Variants in CAST observed in about 807,000 individuals in gnomAD.
The protein encoded by CAST is MIR583 host.
Under a neutral mutation model 119.6 loss-of-function variants are expected in CAST, and 76 were observed. That is an observed-to-expected ratio of 0.64 (90% confidence interval 0.53 to 0.77). CAST has a LOEUF of 0.77. Ranked by LOEUF, CAST falls within the 30% of genes least tolerant of loss-of-function variation. The pLI is 0.00. For missense variants in CAST, 953 were observed against 946.5 expected, an observed-to-expected ratio of 1.01 and a Z score of -0.09; for synonymous variants, 319 against 331.6, an observed-to-expected ratio of 0.96 and a Z score of 0.41.
chr5:96,751,715 C>T (rs1373526406), intron 20 of CAST, among the ~76,000 whole-genome samples: 2 of 152,170 alleles, frequency 1.3e-5, no homozygotes, highest in Non-Finnish European at 2.9e-5. Flanking sequence ...CAATAGCCAG[C>T]ATTCCCCAGT....
the CAST span, among the ~76,000 whole-genome samples, chr5:96,034,001 T>A: frequency 1.3e-5 from 2 of 152,136 alleles, no homozygotes; most frequent in African/African-American, 4.8e-5. Context: ...CTGGATACAG[T>A]GGCATGTGCC....
At chr5:96,153,884 G>A in the CAST span, among the ~76,000 whole-genome samples, 1 of 152,146 alleles carries the variant, frequency 6.6e-6, no homozygotes, top group Non-Finnish European at 1.5e-5. Context: ...AAATCCAAAT[G>A]TTTCGAAATA....
At chr5:95,983,721 G>C in the CAST span, among the ~76,000 whole-genome samples, 1 of 152,106 alleles carries the variant, frequency 6.6e-6, no homozygotes, top group African/African-American at 2.4e-5. Flanking sequence ...ATATATGCTT[G>C]GAGGTTTTAG....
the CAST span, among the ~76,000 whole-genome samples, chr5:96,379,192 G>A: frequency 2.6e-5 from 4 of 152,170 alleles, no homozygotes; most frequent in South Asian, 4.1e-4. Flanking sequence ...GTTTCACCAC[G>A]TTCATTGATT....
the CAST span, among the ~76,000 whole-genome samples, chr5:96,087,826 C>A: frequency 1.3e-5 from 2 of 152,174 alleles, no homozygotes; most frequent in Non-Finnish European, 2.9e-5. Context: ...TACCCAGCAA[C>A]CTCCAACTGT....
chr5:96,421,775 A>T, the CAST span: 9 of 788,500 alleles, frequency 1.1e-5, no homozygotes, highest in Middle Eastern at 3.3e-4. Flanking sequence ...GTGCATTAAC[A>T]TTTCCTGAGC....
chr5:96,577,011 G>A (rs1330619785), intron 1 of CAST, among the ~76,000 whole-genome samples: 2 of 152,232 alleles, frequency 1.3e-5, no homozygotes, highest in South Asian at 4.1e-4. Flanking sequence ...AGGCCCCAGT[G>A]TGTGTCGTTC....
At chr5:96,092,308 T>TA in the CAST span, among the ~76,000 whole-genome samples, 1 of 152,184 alleles carries the variant, frequency 6.6e-6, no homozygotes, top group East Asian at 1.9e-4. Flanking sequence ...TAAAAAGAAA[T>TA]AAAAAAATTC....
the CAST span, among the ~76,000 whole-genome samples, chr5:96,277,091 G>A: frequency 6.6e-6 from 1 of 152,026 alleles, no homozygotes; most frequent in East Asian, 1.9e-4. Flanking sequence ...CCTTTCTTAT[G>A]AACATTTAGG....
At chr5:96,427,166 A>G in the CAST span, among the ~76,000 whole-genome samples, 6 of 152,328 alleles carry the variant, frequency 3.9e-5, no homozygotes, top group Non-Finnish European at 7.3e-5. Context: ...ATTTGAAAGA[A>G]TATTATCCTC....
chr5:96,148,135 C>A, the CAST span, among the ~76,000 whole-genome samples: 1 of 152,172 alleles, frequency 6.6e-6, no homozygotes, highest in Non-Finnish European at 1.5e-5. Flanking sequence ...TCCTAGTTTT[C>A]TTCTGCTGAT....
chr5:96,128,887 T>A, the CAST span, among the ~76,000 whole-genome samples: 2 of 152,114 alleles, frequency 1.3e-5, no homozygotes, highest in Non-Finnish European at 2.9e-5. Context: ...TAAGATGGAT[T>A]ATTTCATTTA....
chr5:96,043,009 C>T, the CAST span, among the ~76,000 whole-genome samples: 6 of 151,822 alleles, frequency 4.0e-5, no homozygotes, highest in Non-Finnish European at 1.5e-5. Context: ...TATATTGTAT[C>T]AATGTATGTA....
the CAST span, among the ~76,000 whole-genome samples, chr5:96,078,587 G>T: frequency 6.6e-6 from 1 of 152,082 alleles, no homozygotes; most frequent in East Asian, 1.9e-4. Flanking sequence ...TAGAGATGGG[G>T]TTTCACCATC....
the CAST span, among the ~76,000 whole-genome samples, chr5:96,494,034 A>G: frequency 6.6e-6 from 1 of 152,170 alleles, no homozygotes; most frequent in Non-Finnish European, 1.5e-5. Flanking sequence ...ACTCCGTCTC[A>G]AAATAACTAA....
intron 1 of CAST, among the ~76,000 whole-genome samples, chr5:96,548,547 T>C (rs975111103): frequency 6.6e-6 from 1 of 152,068 alleles, no homozygotes; most frequent in Non-Finnish European, 1.5e-5. Flanking sequence ...ACCCTTGTGT[T>C]TGGCTGTTAA....
the CAST span, among the ~76,000 whole-genome samples, chr5:96,371,655 C>A: frequency 3.5e-4 from 53 of 152,256 alleles, no homozygotes; most frequent in Middle Eastern, 0.01. Context: ...GTGTTGGGTT[C>A]TTGTTACCTA....
At position 96,740,884 on chromosome 5, in the gene CAST, T is replaced by A. The variant is rs1452377326; in HGVS notation, c.918+101T>A. ...CTATATTTGAGGATTATGACTTAAC[T>A]CATCTCCAAATCAAATGGAGTTTCT... is the stretch of plus-strand genomic sequence containing the variant. On this transcript the variant is annotated intron_variant, in intron 13 of 31. Coordinates refer to ENST00000675179, the MANE Select transcript of CAST (RefSeq NM_001750.7). 3 of 788,722 alleles carry A rather than the reference T, an allele frequency of 3.8e-6. No individual in the cohort carries two copies. In the African/African-American group the frequency reaches 5.2e-5, roughly 14 times the overall value. The allele number at this position is 788,722 out of a possible 1,614,324, so 48.9% of individuals were successfully genotyped here.
the CAST span, among the ~76,000 whole-genome samples, chr5:96,130,686 A>C: frequency 6.6e-6 from 1 of 152,090 alleles, no homozygotes; most frequent in African/African-American, 2.4e-5. Context: ...AATATTACAA[A>C]TCGAAAAGAG....
Sources: gnomAD v4.1 joint callset for allele counts (sites outside exome capture counted in the v4.1 genomes callset) on GRCh38, gnomAD v4.1.1 for gene constraint, MANE v1.5 for transcripts, NCBI Gene and HGNC (gene_info 2026-07-23, HGNC 2026-07-21) for gene names.